Variants in ANK3 observed in about 807,000 individuals in gnomAD.
The protein encoded by ANK3 is ankyrin-3.
ANK3 carries 57 observed loss-of-function variants against 370.9 expected under a neutral mutation model. That is an observed-to-expected ratio of 0.15 (90% CI 0.12 to 0.19). The LOEUF (loss-of-function observed/expected upper bound fraction) is 0.19. Among genes scored for constraint, ANK3 ranks in the 10% least tolerant of loss-of-function variants. The pLI is 1.00. For missense variants in ANK3, 4,439 were observed against 5,302.1 expected, an observed-to-expected ratio of 0.84 and a Z score of 5.06; for synonymous variants, 1,929 against 1,946.3, an observed-to-expected ratio of 0.99 and a Z score of 0.23.
chr10:60,726,317 A>T (rs1242877444), intron 1 of ANK3, among the ~76,000 whole-genome samples: 1 of 152,184 alleles, frequency 6.6e-6, no homozygotes, highest in Admixed American at 6.5e-5. Flanking sequence ...TTTCCACTCC[A>T]TCTAATTTCT....
chr10:60,364,595 T>C (rs1010962539), intron 1 of ANK3, among the ~76,000 whole-genome samples: 1 of 152,076 alleles, frequency 6.6e-6, no homozygotes, highest in African/African-American at 2.4e-5. Flanking sequence ...CTAATGTAGA[T>C]GGTGGATTGA....
chr10:60,243,708 CTTA>C (rs1159873879), intron 7 of ANK3, among the ~76,000 whole-genome samples: 19 of 152,124 alleles, frequency 1.2e-4, no homozygotes, highest in Non-Finnish European at 2.1e-4. Context: ...ATTTGTATTA[CTTA>C]TTATACAGAC....
chr10:60,120,941 C>A (rs1053925912), intron 25 of ANK3, among the ~76,000 whole-genome samples: 2 of 152,084 alleles, frequency 1.3e-5, no homozygotes, highest in Non-Finnish European at 2.9e-5. Flanking sequence ...ACCATGCTAT[C>A]CAGCAAGCCC....
At chr10:60,434,252 C>T (rs1243508012) in intron 2 of ANK3, among the ~76,000 whole-genome samples, 2 of 152,100 alleles carry the variant, frequency 1.3e-5, no homozygotes, top group African/African-American at 2.4e-5. Flanking sequence ...TACTTGTCAG[C>T]TTATAATTTT....
At chr10:60,091,359 G>C (rs1231881929) in intron 28 of ANK3, among the ~76,000 whole-genome samples, 1 of 152,154 alleles carries the variant, frequency 6.6e-6, no homozygotes, top group Non-Finnish European at 1.5e-5. Flanking sequence ...TTTACTGAGG[G>C]ACCACCATGT....
chr10:60,648,417 C>T (rs1304837580), intron 1 of ANK3, among the ~76,000 whole-genome samples: 1 of 145,928 alleles, frequency 6.9e-6, no homozygotes, highest in Non-Finnish European at 1.5e-5. Flanking sequence ...TCTCGGCCTC[C>T]CAAAGTGCTG....
chr10:60,167,242 G>C (rs1023116520), intron 21 of ANK3, among the ~76,000 whole-genome samples: 3 of 152,160 alleles, frequency 2.0e-5, no homozygotes, highest in Admixed American at 2.0e-4. Context: ...CCCATTCCAC[G>C]AAAGGTCTCG....
intron 1 of ANK3, among the ~76,000 whole-genome samples, chr10:60,682,779 TC>T (rs1475038109): frequency 1.3e-5 from 2 of 152,204 alleles, no homozygotes; most frequent in African/African-American, 4.8e-5. Flanking sequence ...AAGCTGTGTG[TC>T]CCATACCTGG....
chr10:60,042,770 A>G lies in ANK3; in HGVS notation c.13066-11T>C. 6.2e-7 allele frequency: 1 copy of G among 1,613,782 alleles called. No homozygotes were observed. Among genetic ancestry groups the G allele is most frequent in the Non-Finnish European group, 8.5e-7 (1 of 1,179,938 alleles). On this transcript the variant is annotated splice_polypyrimidine_tract_variant and intron_variant, in intron 42 of 43. Transcript: ENST00000280772. Reference sequence around the variant, plus strand: ...AAAACCTTCTCCCTGCTTTGAAAGGAGTGTACATATTAAGATTTCACAGTG... The same window carrying G: ...AAAACCTTCTCCCTGCTTTGAAAGGGGTGTACATATTAAGATTTCACAGTG...
intron 2 of ANK3, among the ~76,000 whole-genome samples, chr10:60,419,807 A>G (rs1458126718): frequency 6.6e-6 from 1 of 152,132 alleles, no homozygotes; most frequent in Non-Finnish European, 1.5e-5. Flanking sequence ...ACCTCAGTAA[A>G]ACATCAAAAC....
chr10:60,457,618 G>A (rs563992659), intron 2 of ANK3, among the ~76,000 whole-genome samples: 1 of 152,082 alleles, frequency 6.6e-6, no homozygotes, highest in Non-Finnish European at 1.5e-5. Flanking sequence ...GATCATCAGT[G>A]TCTCCTTAGA....
chr10:60,393,159 A>AAACATAAACATAAC (rs2063147737), upstream of ANK3, among the ~76,000 whole-genome samples: 1 of 152,214 alleles, frequency 6.6e-6, no homozygotes, highest in Non-Finnish European at 1.5e-5. Flanking sequence ...AGGTACTTAT[A>AAACATAAACATAAC]ATAAACATAA....
chr10:60,421,624 C>T (rs1005354139), intron 2 of ANK3, among the ~76,000 whole-genome samples: 24 of 152,036 alleles, frequency 1.6e-4, no homozygotes, highest in African/African-American at 5.8e-4. Flanking sequence ...CCTCCCTTGA[C>T]TCCCTAGGAG....
chr10:60,204,729 A>C (rs1412832400), intron 11 of ANK3, among the ~76,000 whole-genome samples: 1 of 152,112 alleles, frequency 6.6e-6, no homozygotes, highest in Non-Finnish European at 1.5e-5. Context: ...CCCTGCTTCC[A>C]AGGAGCCTTC....
chr10:60,292,237 T>C (rs2132758477), intron 1 of ANK3, among the ~76,000 whole-genome samples: 1 of 152,294 alleles, frequency 6.6e-6, no homozygotes, highest in Admixed American at 6.5e-5. Context: ...AAACCATTTC[T>C]GAAAAGTATG....
upstream of ANK3, among the ~76,000 whole-genome samples, chr10:60,390,236 T>C (rs1246696374): frequency 1.3e-5 from 2 of 152,162 alleles, no homozygotes; most frequent in East Asian, 3.9e-4. Flanking sequence ...GAACTATCAA[T>C]CTAAATGCAT....
intron 2 of ANK3, among the ~76,000 whole-genome samples, chr10:60,411,366 T>C (rs1420532477): frequency 6.6e-6 from 1 of 152,212 alleles, no homozygotes; most frequent in Non-Finnish European, 1.5e-5. Context: ...TAAACTTCTT[T>C]AAGCCAGATG....
chr10:60,350,216 C>T (rs1285062048), intron 1 of ANK3, among the ~76,000 whole-genome samples: 1 of 152,132 alleles, frequency 6.6e-6, no homozygotes, highest in Admixed American at 6.5e-5. Context: ...ACATAGTCAA[C>T]AGCCAATAAA....
chr10:60,259,806 T>C (rs2097779628), intron 7 of ANK3, among the ~76,000 whole-genome samples: 2 of 152,238 alleles, frequency 1.3e-5, no homozygotes, highest in Admixed American at 6.5e-5. Context: ...TTTATTATGC[T>C]ATGAATTACA....
Sources: gnomAD v4.1 joint callset for allele counts (sites outside exome capture counted in the v4.1 genomes callset) on GRCh38, gnomAD v4.1.1 for gene constraint, MANE v1.5 for transcripts, NCBI Gene and HGNC (gene_info 2026-07-23, HGNC 2026-07-21) for gene names.